SNAP91: variants seen among roughly 807,000 people sequenced by gnomAD.
The protein encoded by SNAP91 is clathrin coat assembly protein AP180.
In SNAP91, 27 loss-of-function variants were observed where a neutral mutation model predicts 100.3. That is an observed-to-expected ratio of 0.27 (90% CI 0.20 to 0.37). SNAP91 has a LOEUF of 0.37. Among genes scored for constraint, SNAP91 ranks in the 10% least tolerant of loss-of-function variants. The pLI is 1.00. For synonymous variants in SNAP91, 404 were observed against 398.6 expected (o/e 1.01, Z -0.16); for missense variants, 986 against 1,123.7 (o/e 0.88, Z 1.75).
chr6:83,692,967 G>T (rs2099150357), intron 2 of SNAP91, among the ~76,000 whole-genome samples: 1 of 152,074 alleles, frequency 6.6e-6, no homozygotes, highest in Non-Finnish European at 1.5e-5. Flanking sequence ...TTGAGACAGG[G>T]TCTCACTATG....
At chr6:83,707,128 C>T (rs1268996721) in intron 2 of SNAP91, among the ~76,000 whole-genome samples, 1 of 152,170 alleles carries the variant, frequency 6.6e-6, no homozygotes, top group African/African-American at 2.4e-5. Context: ...ATAGCATAGT[C>T]ATCTCACCCA....
At chr6:83,650,942 A>G (rs1417989333) in intron 7 of SNAP91, among the ~76,000 whole-genome samples, 3 of 152,190 alleles carry the variant, frequency 2.0e-5, no homozygotes, top group Admixed American at 2.0e-4. Context: ...TCTTTAATAG[A>G]TAGAGGCCTA....
rs145964718 is a variant in SNAP91, at chr6:83,707,523, G to A, written c.130+275C>T. Among the ~76,000 whole-genome samples the A allele has an allele frequency of 3.6e-3, 496 of 138,000 alleles. 2 individuals carry two copies. Among genetic ancestry groups the A allele is most frequent in the African/African-American group, 0.014 (475 of 33,050 alleles). 90.5% of individuals were successfully genotyped at this position (138,000 alleles called of 152,430 possible). A position where few individuals can be genotyped will look rare whatever the true frequency, so the allele number is the denominator to read the frequency against. On this transcript the variant is annotated intron_variant, in intron 2 of 29. Coordinates refer to ENST00000369694, the MANE Select transcript of SNAP91 (RefSeq NM_001242792.2). Reference sequence around the variant, plus strand: ...TGTACAATCTCTCTCTTGTGTGTGTGTATATACATATGCGTGTGTGTGTGT... The same window carrying A: ...TGTACAATCTCTCTCTTGTGTGTGTATATATACATATGCGTGTGTGTGTGT...
intron 26 of SNAP91, among the ~76,000 whole-genome samples, chr6:83,569,107 A>G (rs1192262430): frequency 6.6e-6 from 1 of 152,220 alleles, no homozygotes; most frequent in Non-Finnish European, 1.5e-5. Flanking sequence ...AAAAGAATAT[A>G]GATAAAACTA....
chr6:83,640,979 G>C, intron 8 of SNAP91, 117 bp downstream of exon 8: 2 of 549,566 alleles, frequency 3.6e-6, no homozygotes, highest in South Asian at 3.4e-5. Flanking sequence ...CTGTGACTCC[G>C]AGGCACTTCC....
chr6:83,698,160 T>A (rs2099245336), intron 2 of SNAP91, among the ~76,000 whole-genome samples: 1 of 151,466 alleles, frequency 6.6e-6, no homozygotes, highest in African/African-American at 2.4e-5. Flanking sequence ...GTGGGGTATG[T>A]GTGTGTGTGT....
chr6:83,556,498 G>C (rs182246669), intron 28 of SNAP91, among the ~76,000 whole-genome samples: 1 of 152,252 alleles, frequency 6.6e-6, no homozygotes, highest in Admixed American at 6.5e-5. Flanking sequence ...ACAGAGTTGT[G>C]TTTAATTCTG....
chr6:83,644,980 T>G (rs1311007808), intron 7 of SNAP91, among the ~76,000 whole-genome samples: 1 of 152,190 alleles, frequency 6.6e-6, no homozygotes, highest in Non-Finnish European at 1.5e-5. Flanking sequence ...GGAGTGGTTC[T>G]AATACAATGA....
In SNAP91 at chr6:83,563,450, G is replaced by T. The variant is rs185876727; in HGVS notation, c.2443-2503C>A. Among the ~76,000 whole-genome samples, 7 of 152,180 alleles carry T rather than the reference G, an allele frequency of 4.6e-5. No individual in the cohort carries two copies. In the East Asian group the frequency reaches 1.4e-3, roughly 29 times the overall value. On this transcript the variant is annotated intron_variant, in intron 26 of 29. Transcript: ENST00000369694. ...ACTTAGTGACTGAAAAAAAATGACT[G>T]AAAACTTTCTACCTAAAAACAAGAC... is the stretch of plus-strand genomic sequence containing the variant.
chr6:83,678,920 AAAAG>A (rs1438688905), intron 2 of SNAP91: 2 of 1,115,192 alleles, frequency 1.8e-6, no homozygotes, highest in African/African-American at 3.4e-5. Flanking sequence ...GATTTAAGTA[AAAAG>A]AAAGAAATAA....
At chr6:83,566,024 T>C (rs1367329017) in intron 26 of SNAP91, among the ~76,000 whole-genome samples, 1 of 152,198 alleles carries the variant, frequency 6.6e-6, no homozygotes, top group Non-Finnish European at 1.5e-5. Context: ...AAATCTATTA[T>C]GTGTAATAGA....
intron 3 of SNAP91, among the ~76,000 whole-genome samples, chr6:83,663,982 A>G (rs771875384): frequency 1.3e-5 from 2 of 152,090 alleles, no homozygotes; most frequent in Admixed American, 6.6e-5. Context: ...TAAGAATTAC[A>G]CTAAACCTAC....
intron 22 of SNAP91, 60 bp downstream of exon 22, chr6:83,591,148 ATTG>A (rs1235435888): frequency 2.8e-6 from 3 of 1,076,766 alleles, no homozygotes; most frequent in Non-Finnish European, 4.2e-6. Flanking sequence ...AATTTTTATA[ATTG>A]TTACTTATAA....
chr6:83,609,728 A>G (rs1037691224), intron 12 of SNAP91, among the ~76,000 whole-genome samples: 6 of 152,174 alleles, frequency 3.9e-5, no homozygotes, highest in African/African-American at 9.7e-5. Flanking sequence ...GAGGTAAACG[A>G]GTTATTAAAG....
chr6:83,611,702 CTTT>C (rs879325346), intron 11 of SNAP91, among the ~76,000 whole-genome samples: 1 of 144,132 alleles, frequency 6.9e-6, no homozygotes. Context: ...TAATATCTTT[CTTT>C]TTTTTTTTTG....
chr6:83,580,521 G>A lies in SNAP91; in HGVS notation c.2228C>T (p.Pro743Leu). The stretch of plus-strand genomic sequence containing the variant: ...TTTGCTGGCTGCCATTGCAGGACTG[G>A]GTGGTACCATTGAGACAGGTGCAGG... ...GQPAPVSMVP[P>L]SPAMAASKAL... Residue 743 changes from proline (P) to leucine (L), a missense_variant, in exon 24 of 30, where the codon CCC becomes CTC. Transcript: ENST00000369694. The A allele has an allele frequency of 3.7e-6, 6 of 1,613,892 alleles. No individual in the cohort carries two copies. Among genetic ancestry groups the A allele is most frequent in the Non-Finnish European group, 4.2e-6 (5 of 1,179,822 alleles).
intron 22 of SNAP91, among the ~76,000 whole-genome samples, chr6:83,582,607 C>G (rs1391692729): frequency 6.6e-6 from 1 of 152,042 alleles, no homozygotes; most frequent in Admixed American, 6.6e-5. Flanking sequence ...TTAAGAGAAA[C>G]TATGGCAAGC....
intron 24 of SNAP91, among the ~76,000 whole-genome samples, chr6:83,576,915 T>C (rs1819719509): frequency 6.6e-6 from 1 of 152,140 alleles, no homozygotes; most frequent in African/African-American, 2.4e-5. Flanking sequence ...CCGGAACATA[T>C]TAGTAAAGAA....
At chr6:83,638,743 A>G (rs1245594004) in intron 8 of SNAP91, among the ~76,000 whole-genome samples, 1 of 152,146 alleles carries the variant, frequency 6.6e-6, no homozygotes, top group African/African-American at 2.4e-5. Flanking sequence ...CAACATTGCT[A>G]TTTTTATTGC....
Sources: allele counts gnomAD v4.1 joint callset (sites outside exome capture counted in the v4.1 genomes callset), GRCh38; gene constraint gnomAD v4.1.1; transcripts MANE v1.5; gene names NCBI Gene and HGNC (gene_info 2026-07-23, HGNC 2026-07-21).